Variants in CTXND2 observed in about 807,000 individuals in gnomAD.
CTXND2 encodes the protein cortexin domain containing 2.
intron 1 of CTXND2, among the ~76,000 whole-genome samples, chr1:150,891,290 T>G (rs1300615168): frequency 6.6e-6 from 1 of 152,002 alleles, no homozygotes; most frequent in African/African-American, 2.4e-5. Flanking sequence ...CTCAGCTCAC[T>G]ACAACCTCCG....
At chr1:150,902,649 T>C (rs1571602920) in intron 1 of CTXND2, among the ~76,000 whole-genome samples, 2 of 151,784 alleles carry the variant, frequency 1.3e-5, no homozygotes, top group African/African-American at 4.8e-5. Context: ...CGGGGAGGGG[T>C]GATACTTCTT....
At chr1:150,902,539 G>T (rs1173541852) in intron 1 of CTXND2, among the ~76,000 whole-genome samples, 5 of 152,128 alleles carry the variant, frequency 3.3e-5, no homozygotes, top group African/African-American at 1.2e-4. Context: ...CTGCATTCCA[G>T]CCTGGCCGAC....
At chr1:150,906,635 G>GA (rs1324044342) in intron 1 of CTXND2, among the ~76,000 whole-genome samples, 1 of 152,192 alleles carries the variant, frequency 6.6e-6, no homozygotes, top group Non-Finnish European at 1.5e-5. Context: ...ACAGAGATCT[G>GA]AAAGTGGAAG....
At chr1:150,910,154 G>A (rs587734061) in intron 1 of CTXND2, among the ~76,000 whole-genome samples, 14 of 129,312 alleles carry the variant, frequency 1.1e-4, no homozygotes, top group African/African-American at 3.6e-4. Flanking sequence ...TTTTTGAGAC[G>A]GGTCTCCATC....
intron 1 of CTXND2, among the ~76,000 whole-genome samples, chr1:150,910,760 T>C (rs770047600): frequency 2.6e-5 from 4 of 151,646 alleles, no homozygotes; most frequent in Admixed American, 6.6e-5. Context: ...GCCTCCCAAG[T>C]AGCTGGGGCT....
chr1:150,891,901 C>A (rs996421827), intron 1 of CTXND2, among the ~76,000 whole-genome samples: 7 of 152,130 alleles, frequency 4.6e-5, no homozygotes, highest in Non-Finnish European at 1.5e-5. Context: ...CTTTACCCAG[C>A]AAATTGCTTT....
chr1:150,907,454 T>A (rs1669169751), intron 1 of CTXND2, among the ~76,000 whole-genome samples: 1 of 152,240 alleles, frequency 6.6e-6, no homozygotes, highest in Non-Finnish European at 1.5e-5. Context: ...TTTCTTTCAC[T>A]CAGCTTAATG....
At position 150,904,506 on chromosome 1, in the gene CTXND2, A is replaced by G. The variant is rs587666506; in HGVS notation, c.-73-7736A>G. ...ACTTTTCACAAAGATGGTGAGTACC[A>G]TCTTCAAACTTACTGGAGATTGGTT... is the stretch of plus-strand genomic sequence containing the variant. On this transcript the variant is annotated intron_variant, in intron 1 of 1. Coordinates refer to ENST00000636087, the Ensembl canonical transcript of CTXND2. 1.4e-4 allele frequency among the ~76,000 whole-genome samples: 21 copies of G among 152,340 alleles called. No individual in the cohort carries two copies. The East Asian group carries it at 3.9e-3, about 28-fold the overall frequency.
At chr1:150,889,540 G>A (rs587649850) in intron 1 of CTXND2, among the ~76,000 whole-genome samples, 2 of 151,646 alleles carry the variant, frequency 1.3e-5, no homozygotes, top group Admixed American at 6.6e-5. Flanking sequence ...TAATTTCCAG[G>A]TCGTCACAAA....
At chr1:150,892,980 T>C (rs1375001476) in intron 1 of CTXND2, among the ~76,000 whole-genome samples, 1 of 152,204 alleles carries the variant, frequency 6.6e-6, no homozygotes, top group Non-Finnish European at 1.5e-5. Flanking sequence ...CTAACTACTA[T>C]GCTGAATCCA....
chr1:150,905,369 C>T (rs1660249717), intron 1 of CTXND2, among the ~76,000 whole-genome samples: 1 of 139,926 alleles, frequency 7.1e-6, no homozygotes, highest in South Asian at 2.7e-4. Context: ...GTCTCGGACT[C>T]CTGACCTCAG....
intron 1 of CTXND2, among the ~76,000 whole-genome samples, chr1:150,895,327 CT>C (rs1296574825): frequency 6.6e-6 from 1 of 151,388 alleles, no homozygotes; most frequent in Non-Finnish European, 1.5e-5. Flanking sequence ...TTGGGGAAAT[CT>C]TTTTTTTCTT....
At chr1:150,903,958 G>C (rs901631009) in intron 1 of CTXND2, 1 of 649,060 alleles carries the variant, frequency 1.5e-6, no homozygotes, top group African/African-American at 1.8e-5. Context: ...GTCACACCGT[G>C]GAAAAGGGAG....
At chr1:150,906,769 G>T (rs1395544479) in intron 1 of CTXND2, among the ~76,000 whole-genome samples, 1 of 152,172 alleles carries the variant, frequency 6.6e-6, no homozygotes, top group Non-Finnish European at 1.5e-5. Context: ...AGGACTTCAG[G>T]TGTCTCCGAA....
rs587630654 is a variant in CTXND2 at position 150,898,532 on chromosome 1, C to T, written c.-74+11219C>T. 5.9e-5 allele frequency among the ~76,000 whole-genome samples: 9 copies of T among 151,966 alleles called. No individual in the cohort carries two copies. In the South Asian group the frequency reaches 1.5e-3, roughly 25 times the overall value. On this transcript the variant is annotated intron_variant, in intron 1 of 1. Transcript: ENST00000636087. ...CAGCACGTTGGGAGGTCAAGGCGGGCGGATCACAAGGTCAAGAGATGGAGA... is the reference window on the plus strand; with the variant it reads ...CAGCACGTTGGGAGGTCAAGGCGGGTGGATCACAAGGTCAAGAGATGGAGA...
intron 1 of CTXND2, among the ~76,000 whole-genome samples, chr1:150,901,004 TG>T (rs1669014253): frequency 6.6e-6 from 1 of 151,966 alleles, no homozygotes; most frequent in Non-Finnish European, 1.5e-5. Flanking sequence ...CCCAGTTCCT[TG>T]GGAGGCTGAG....
intron 1 of CTXND2, among the ~76,000 whole-genome samples, chr1:150,899,664 A>G (rs938488959): frequency 2.0e-5 from 3 of 152,170 alleles, no homozygotes; most frequent in Non-Finnish European, 4.4e-5. Flanking sequence ...ACCACAAACA[A>G]AAACAAAACA....
chr1:150,890,538 T>A (rs189352626), intron 1 of CTXND2, among the ~76,000 whole-genome samples: 95 of 152,282 alleles, frequency 6.2e-4, no homozygotes, highest in Non-Finnish European at 1.2e-3. Context: ...AATTTTGCTC[T>A]TGTTGCACAG....
chr1:150,900,513 A>G (rs1161665283), intron 1 of CTXND2, among the ~76,000 whole-genome samples: 1 of 152,136 alleles, frequency 6.6e-6, no homozygotes, highest in African/African-American at 2.4e-5. Flanking sequence ...TTCTCGACAC[A>G]ATGGTAGGCA....
Sources: gnomAD v4.1 joint callset for allele counts (sites outside exome capture counted in the v4.1 genomes callset) on GRCh38, gnomAD v4.1.1 for gene constraint, MANE v1.5 for transcripts, NCBI Gene and HGNC (gene_info 2026-07-23, HGNC 2026-07-21) for gene names.